The following NOS1AP variants were observed in gnomAD, a reference collection of about 807,000 sequenced individuals.
NOS1AP encodes nitric oxide synthase 1 adaptor protein.
In NOS1AP, 21 loss-of-function variants were observed where a neutral mutation model predicts 56.2. That is an observed-to-expected ratio of 0.37 (90% CI 0.26 to 0.54). NOS1AP has a LOEUF of 0.54. Among genes scored for constraint, NOS1AP ranks in the 20% least tolerant of loss-of-function variants. The pLI, the probability that NOS1AP is intolerant of heterozygous loss-of-function variation, is 0.84. For missense variants in NOS1AP, 522 were observed against 657.8 expected (o/e 0.79, Z 2.26); for synonymous variants, 270 against 274.6 (o/e 0.98, Z 0.17).
chr1:162,338,505 A>T (rs967099547), intron 5 of NOS1AP: 2 of 152,248 alleles, frequency 1.3e-5, no homozygotes, highest in African/African-American at 4.8e-5. Context: ...AGTGCCCAAA[A>T]TTATTTATCA....
intron 2 of NOS1AP, among the ~76,000 whole-genome samples, chr1:162,277,300 C>T (rs570703736): frequency 2.0e-5 from 3 of 152,316 alleles, no homozygotes; most frequent in South Asian, 4.1e-4. Context: ...AATGATTGCT[C>T]GACAGAGACA....
intron 2 of NOS1AP, among the ~76,000 whole-genome samples, chr1:162,267,492 C>T (rs985097062): frequency 6.9e-6 from 1 of 145,870 alleles, no homozygotes; most frequent in African/African-American, 2.5e-5. Context: ...GGGCTGGGCA[C>T]AGTGGCTCAC....
chr1:162,261,150 A>AGAGAGAGAGAGAG (rs1557853412), intron 2 of NOS1AP, among the ~76,000 whole-genome samples: 3 of 139,360 alleles, frequency 2.2e-5, no homozygotes, highest in Admixed American at 7.6e-5. Flanking sequence ...TGGCAGAAAC[A>AGAGAGAGAGAGAG]ACCAGTAAAT....
At chr1:162,226,179 G>A (rs1652934445) in intron 2 of NOS1AP, among the ~76,000 whole-genome samples, 2 of 152,120 alleles carry the variant, frequency 1.3e-5, no homozygotes, top group Admixed American at 1.3e-4. Context: ...TGTAATCCCA[G>A]CTACTTGGGA....
At position 162,154,532 on chromosome 1, in the gene NOS1AP, G is replaced by T. The variant is rs1286427336; in HGVS notation, c.177+56G>T. ...GGGGAGTCAAGTGCCTTAGCTGCTG[G>T]CCCTTCTAGGTAGGGCTGGAGGGGC... On this transcript the variant is annotated intron_variant, in intron 2 of 9. Coordinates refer to ENST00000361897, the MANE Select transcript of NOS1AP (RefSeq NM_014697.3). The T allele has an allele frequency of 5.1e-6, 8 of 1,575,308 alleles. No individual in the cohort carries two copies. The East Asian group carries it at 1.1e-4, about 22-fold the overall frequency.
At chr1:162,217,141 A>G (rs4391647) in intron 2 of NOS1AP, among the ~76,000 whole-genome samples, 40,698 of 151,560 alleles carry the variant, frequency 0.27, 5,658 homozygotes, top group East Asian at 0.39. Flanking sequence ...ACTCTTTCAC[A>G]TGGGGAAGCT....
chr1:162,217,267 C>CTTGTTTTTTTTTTTTTTTT (rs1652604426), intron 2 of NOS1AP, among the ~76,000 whole-genome samples: 1 of 68,368 alleles, frequency 1.5e-5, no homozygotes, highest in Non-Finnish European at 2.6e-5. Context: ...CTGTTGTTAG[C>CTTGTTTTTTTTTTTTTTTT]TTTTTTTTTT....
intron 1 of NOS1AP, among the ~76,000 whole-genome samples, chr1:162,105,306 C>A (rs1402675136): frequency 6.6e-6 from 1 of 152,194 alleles, no homozygotes; most frequent in African/African-American, 2.4e-5. Context: ...AGGGCATTGA[C>A]CTGTTGCTGT....
chr1:162,091,950 G>T (rs535517032), intron 1 of NOS1AP, among the ~76,000 whole-genome samples: 2 of 152,310 alleles, frequency 1.3e-5, no homozygotes, highest in Admixed American at 1.3e-4. Context: ...TAGAATCACG[G>T]AGTGCTGGAG....
chr1:162,289,225 C>CTTTCCTTCCTTCCT (rs774169297), intron 3 of NOS1AP, among the ~76,000 whole-genome samples: 2 of 35,314 alleles, frequency 5.7e-5, no homozygotes, highest in African/African-American at 2.4e-4. Context: ...TCCTTCCTTC[C>CTTTCCTTCCTTCCT]TTCCTTCCTT....
intron 2 of NOS1AP, among the ~76,000 whole-genome samples, chr1:162,282,973 C>A (rs1489625611): frequency 1.3e-5 from 2 of 152,048 alleles, no homozygotes; most frequent in Non-Finnish European, 2.9e-5. Flanking sequence ...ATGAGGGAGA[C>A]CTGCTTCCTA....
intron 2 of NOS1AP, among the ~76,000 whole-genome samples, chr1:162,261,494 G>GGAGA (rs1654215304): frequency 5.2e-3 from 1 of 194 alleles, no homozygotes; most frequent in Non-Finnish European, 0.083. Flanking sequence ...GAGAGAGAGA[G>GGAGA]AGAGAGAGAG....
chr1:162,332,934 A>G, intron 4 of NOS1AP, 83 bp from the exon 5 acceptor site: 1 of 949,710 alleles, frequency 1.1e-6, no homozygotes, highest in Non-Finnish European at 1.7e-6. Flanking sequence ...TGTGCTTCAG[A>G]GTGTCCTTAA....
chr1:162,217,865 T>A (rs905801655), intron 2 of NOS1AP, among the ~76,000 whole-genome samples: 1 of 152,206 alleles, frequency 6.6e-6, no homozygotes, highest in Non-Finnish European at 1.5e-5. Context: ...TGCTGGATGG[T>A]TTCAGCTTCC....
At chr1:162,284,759 G>A (rs565786097) in intron 2 of NOS1AP, among the ~76,000 whole-genome samples, 6 of 152,310 alleles carry the variant, frequency 3.9e-5, no homozygotes, top group African/African-American at 1.4e-4. Flanking sequence ...TGTAGAAATA[G>A]ATAAGGTTTC....
intron 7 of NOS1AP, among the ~76,000 whole-genome samples, chr1:162,356,186 C>T (rs922055787): frequency 2.0e-5 from 3 of 152,120 alleles, no homozygotes; most frequent in South Asian, 4.1e-4. Flanking sequence ...TCACTGGGGG[C>T]CTTCCTTGTG....
At chr1:162,178,346 T>A (rs1426811499) in intron 2 of NOS1AP, among the ~76,000 whole-genome samples, 2 of 152,208 alleles carry the variant, frequency 1.3e-5, no homozygotes, top group Admixed American at 6.5e-5. Context: ...AAGTTTTCAT[T>A]CCATTTGAAT....
At position 162,152,344 on chromosome 1, in the gene NOS1AP, G is replaced by A. The variant is rs183416971; in HGVS notation, c.106-2061G>A. Among the ~76,000 whole-genome samples the A allele has an allele frequency of 1.5e-4, 23 of 152,296 alleles. No homozygotes were observed. In the East Asian group the frequency reaches 4.3e-3, roughly 28 times the overall value. On this transcript the variant is annotated intron_variant, in intron 1 of 9. Coordinates refer to ENST00000361897, the MANE Select transcript of NOS1AP (RefSeq NM_014697.3). ...AGGGAACATGAGCCCCTCAAGGCCT[G>A]TGTGTTCCTGACTGCACAGCATTCA...
At chr1:162,246,108 A>C (rs1035084743) in intron 2 of NOS1AP, among the ~76,000 whole-genome samples, 6 of 152,200 alleles carry the variant, frequency 3.9e-5, no homozygotes, top group Admixed American at 3.3e-4. Flanking sequence ...GTTTCAAGGG[A>C]GGGTAGAGTG....
Sources: allele counts gnomAD v4.1 joint callset (sites outside exome capture counted in the v4.1 genomes callset), GRCh38; gene constraint gnomAD v4.1.1; transcripts MANE v1.5; gene names NCBI Gene and HGNC (gene_info 2026-07-23, HGNC 2026-07-21).